GPC6: variants seen among roughly 807,000 people sequenced by gnomAD.
GPC6 encodes the protein glypican 6.
A neutral mutation model predicts 55.2 loss-of-function variants in GPC6; 14 were observed. The observed-to-expected ratio is 0.25, with a 90% CI of 0.17 to 0.40. GPC6 has a LOEUF of 0.40. Ranked by LOEUF, GPC6 falls within the 10% of genes least tolerant of loss-of-function variation. The pLI, the probability that GPC6 is intolerant of heterozygous loss-of-function variation, is 1.00. For synonymous variants in GPC6, 278 were observed against 259.6 expected (o/e 1.07, Z -0.68); for missense variants, 641 against 708.5 (o/e 0.90, Z 1.08).
At chr13:93,631,814 A>T (rs1879452739) in intron 2 of GPC6, among the ~76,000 whole-genome samples, 1 of 152,188 alleles carries the variant, frequency 6.6e-6, no homozygotes, top group African/African-American at 2.4e-5. Context: ...GCTGTCATTG[A>T]TTTTATGTAC....
chr13:93,304,152 T>C (rs1878776590), intron 1 of GPC6, among the ~76,000 whole-genome samples: 1 of 152,108 alleles, frequency 6.6e-6, no homozygotes, highest in African/African-American at 2.4e-5. Context: ...AGATGTGAGC[T>C]ACTGCGCCTG....
chr13:93,303,806 A>G (rs1311558319), intron 1 of GPC6, among the ~76,000 whole-genome samples: 4 of 152,054 alleles, frequency 2.6e-5, no homozygotes, highest in African/African-American at 9.7e-5. Flanking sequence ...GGCAGCGTCC[A>G]TAGAGTTTCA....
intron 1 of GPC6, among the ~76,000 whole-genome samples, chr13:93,312,662 A>G (rs1879113918): frequency 6.6e-6 from 1 of 152,176 alleles, no homozygotes; most frequent in African/African-American, 2.4e-5. Flanking sequence ...ATAGTGAACC[A>G]TTTATTGAAG....
At chr13:93,867,536 G>A (rs978247226) in intron 3 of GPC6, among the ~76,000 whole-genome samples, 5 of 151,710 alleles carry the variant, frequency 3.3e-5, no homozygotes, top group African/African-American at 9.7e-5. Flanking sequence ...AACCATGTGT[G>A]TCCTGTAATA....
At chr13:93,667,701 T>C (rs901596134) in intron 2 of GPC6, among the ~76,000 whole-genome samples, 7 of 148,330 alleles carry the variant, frequency 4.7e-5, no homozygotes, top group African/African-American at 1.8e-4. Context: ...GTGCTGGGAT[T>C]ATAGGTGTAA....
At chr13:93,872,498 T>A (rs1009285526) in intron 3 of GPC6, among the ~76,000 whole-genome samples, 5 of 151,978 alleles carry the variant, frequency 3.3e-5, no homozygotes, top group Non-Finnish European at 7.4e-5. Flanking sequence ...CTTACTGGGC[T>A]AAAATCAAGG....
At chr13:93,483,643 A>G (rs545350530) in intron 1 of GPC6, among the ~76,000 whole-genome samples, 38 of 152,272 alleles carry the variant, frequency 2.5e-4, no homozygotes, top group Middle Eastern at 6.8e-3. Context: ...GATAGCATAT[A>G]TGTTTGTAGT....
At chr13:94,392,007 CTA>C in intron 7 of GPC6, among the ~76,000 whole-genome samples, 1 of 152,354 alleles carries the variant, frequency 6.6e-6, no homozygotes, top group East Asian at 1.9e-4. Context: ...TATTTCCACT[CTA>C]TGTGTATACC....
chr13:94,066,994 A>T (rs1884538940), intron 4 of GPC6, among the ~76,000 whole-genome samples: 1 of 152,214 alleles, frequency 6.6e-6, no homozygotes, highest in Non-Finnish European at 1.5e-5. Context: ...CGATCACCAA[A>T]ACATTACATT....
intron 2 of GPC6, among the ~76,000 whole-genome samples, chr13:93,708,364 G>T (rs1882930647): frequency 6.6e-6 from 1 of 151,654 alleles, no homozygotes; most frequent in South Asian, 2.1e-4. Context: ...TTATCTGCTG[G>T]CAGAGAATCA....
chr13:94,111,827 A>G (rs549600054), intron 4 of GPC6, among the ~76,000 whole-genome samples: 1 of 152,214 alleles, frequency 6.6e-6, no homozygotes, highest in South Asian at 2.1e-4. Flanking sequence ...TTTTGATGTG[A>G]ATTCCCTTTG....
chr13:93,589,894 C>T (rs535517140), intron 2 of GPC6, among the ~76,000 whole-genome samples: 2 of 152,212 alleles, frequency 1.3e-5, no homozygotes, highest in African/African-American at 4.8e-5. Flanking sequence ...AACACTTATG[C>T]CTTAAGGACT....
intron 2 of GPC6, among the ~76,000 whole-genome samples, chr13:93,768,724 TA>T (rs1465939044): frequency 1.3e-5 from 2 of 152,180 alleles, no homozygotes; most frequent in African/African-American, 4.8e-5. Context: ...GGAATTTTTT[TA>T]AAGATAAATG....
chr13:94,113,880 G>C (rs1886334439), intron 4 of GPC6, among the ~76,000 whole-genome samples: 1 of 151,658 alleles, frequency 6.6e-6, no homozygotes, highest in African/African-American at 2.4e-5. Context: ...AAAGTAGCCA[G>C]ATGTGGTGGC....
intron 3 of GPC6, among the ~76,000 whole-genome samples, chr13:93,975,240 T>C (rs1242283691): frequency 7.9e-5 from 12 of 152,202 alleles, no homozygotes; most frequent in Admixed American, 7.9e-4. Flanking sequence ...TTTTAATCTA[T>C]ATTTTTTAAA....
intron 3 of GPC6, among the ~76,000 whole-genome samples, chr13:93,902,149 A>G (rs777349306): frequency 9.2e-5 from 14 of 152,072 alleles, no homozygotes; most frequent in Non-Finnish European, 2.1e-4. Context: ...GTGTGACAGA[A>G]CACTGGAACT....
intron 4 of GPC6, among the ~76,000 whole-genome samples, chr13:94,179,499 G>A (rs956181408): frequency 5.9e-5 from 9 of 151,914 alleles, no homozygotes; most frequent in African/African-American, 4.8e-5. Flanking sequence ...GTTTGTATAC[G>A]TGTAATTTTT....
chr13:93,574,289 A>T (rs527991686), intron 2 of GPC6, among the ~76,000 whole-genome samples: 115 of 152,318 alleles, frequency 7.5e-4, no homozygotes, highest in Non-Finnish European at 1.2e-3. Context: ...TCTGATTAAT[A>T]GCTTTATAAG....
chr13:94,206,907 C>T (rs942327036), intron 4 of GPC6, among the ~76,000 whole-genome samples: 2 of 152,068 alleles, frequency 1.3e-5, no homozygotes, highest in Non-Finnish European at 2.9e-5. Context: ...ATTTGCCTTT[C>T]GTATGCAAAC....
Sources: allele counts gnomAD v4.1 joint callset (sites outside exome capture counted in the v4.1 genomes callset), GRCh38; gene constraint gnomAD v4.1.1; transcripts MANE v1.5; gene names NCBI Gene and HGNC (gene_info 2026-07-23, HGNC 2026-07-21).